The following LDB3 variants were observed in gnomAD, a reference collection of about 807,000 sequenced individuals.
LDB3 encodes the protein LIM domain-binding protein 3.
A neutral mutation model predicts 69.0 loss-of-function variants in LDB3; 49 were observed. The ratio of observed to expected loss-of-function variants is 0.71; its 90% CI spans 0.56 to 0.90. The LOEUF (loss-of-function observed/expected upper bound fraction) is 0.90, where lower values mean the gene tolerates loss of function less well. Among genes scored for constraint, LDB3 ranks in the 40% least tolerant of loss-of-function variants. The probability of loss-of-function intolerance (pLI) is 0.00; values close to 1 mark genes in which losing one functional copy is unlikely to be tolerated. For missense variants in LDB3, 928 were observed against 974.1 expected, an observed-to-expected ratio of 0.95 and a Z score of 0.63; for synonymous variants, 387 against 396.2, an observed-to-expected ratio of 0.98 and a Z score of 0.28.
At chr10:86,720,665 G>T (rs895957197) in intron 12 of LDB3, among the ~76,000 whole-genome samples, 2 of 152,154 alleles carry the variant, frequency 1.3e-5, no homozygotes, top group East Asian at 3.8e-4. Context: ...TATACAACTT[G>T]CTGTTATTCT....
chr10:86,732,882 T>A lies in LDB3; in HGVS notation c.2095-5T>A. 1 of 1,612,652 alleles carries A rather than the reference T, an allele frequency of 6.2e-7. No individual in the cohort carries two copies. Among genetic ancestry groups the A allele is most frequent in the Non-Finnish European group, 8.5e-7 (1 of 1,179,014 alleles). ...GGTCTCACGCAGGTCTGTTCTCTGC[T>A]CCAGGTCTGCCATGTGAATCTGGAG... On this transcript the variant is annotated splice_region_variant and splice_polypyrimidine_tract_variant and intron_variant, in intron 13 of 13. Coordinates refer to ENST00000361373, the MANE Select transcript of LDB3 (RefSeq NM_007078.3).
intron 2 of LDB3, among the ~76,000 whole-genome samples, chr10:86,675,399 T>C (rs1273692628): frequency 1.3e-5 from 2 of 152,276 alleles, no homozygotes; most frequent in Non-Finnish European, 2.9e-5. Context: ...CTGTTGCCCT[T>C]GCTCATGCTG....
rs1157910288 is a variant in LDB3, at chr10:86,726,196, G to A, written c.2038G>A (p.Asp680Asn). Residue 680 changes from aspartate (D) to asparagine (N), a missense_variant, in exon 13 of 14, where the codon GAC becomes AAC. Transcript: ENST00000361373. ...HGCDFPVEAG[D>N]KFIEALGHTW... is the part of the protein sequence containing the mutation. Reference sequence around the variant, plus strand: ...CTGCGATTTCCCCGTGGAGGCTGGCGACAAGTTTATCGAAGCCCTGGGCCA... The same window carrying A: ...CTGCGATTTCCCCGTGGAGGCTGGCAACAAGTTTATCGAAGCCCTGGGCCA... 9 of 1,613,944 alleles carry A rather than the reference G, an allele frequency of 5.6e-6. No homozygotes were observed. Among genetic ancestry groups the A allele is most frequent in the African/African-American group, 1.3e-5 (1 of 74,894 alleles).
chr10:86,694,457 C>T (rs1195644237), intron 7 of LDB3, among the ~76,000 whole-genome samples: 1 of 152,126 alleles, frequency 6.6e-6, no homozygotes, highest in African/African-American at 2.4e-5. Context: ...TGGGAAGTGG[C>T]TCCAGTTAGC....
At chr10:86,716,247 T>C (rs1846864148) in intron 9 of LDB3, 80 bp from the exon 10 acceptor site, 1 of 1,537,478 alleles carries the variant, frequency 6.5e-7, no homozygotes, top group Non-Finnish European at 9.0e-7. Flanking sequence ...CCTTTTGCAT[T>C]TCTCTGGCTA....
intron 2 of LDB3, among the ~76,000 whole-genome samples, chr10:86,678,173 G>A (rs1040628155): frequency 5.3e-5 from 8 of 151,432 alleles, no homozygotes; most frequent in Admixed American, 3.3e-4. Context: ...TCAGCCTCCC[G>A]AGTAGCTGAG....
chr10:86,692,879 A>G (rs951546009), intron 7 of LDB3, among the ~76,000 whole-genome samples: 19 of 152,288 alleles, frequency 1.2e-4, no homozygotes, highest in Middle Eastern at 3.4e-3. Context: ...GAATGAGGGC[A>G]ACTTTCCCTG....
In LDB3 at chr10:86,732,998, G is replaced by T; in HGVS notation, c.*22G>T. On this transcript the variant is annotated 3_prime_UTR_variant, in exon 14 of 14. Transcript: ENST00000361373. Reference sequence around the variant, plus strand: ...GTAGGCGGCCAAGGCCGCCTGTGCTGACGAGGCCCGGAGCTGCTCCTGCTG... The same window carrying T: ...GTAGGCGGCCAAGGCCGCCTGTGCTTACGAGGCCCGGAGCTGCTCCTGCTG... 1.3e-6 allele frequency: 2 copies of T among 1,570,862 alleles called. No homozygotes were observed. The highest frequency in any genetic ancestry group is 1.1e-5 in the South Asian group (1 of 89,352).
At chr10:86,671,149 A>C (rs1844450035) in intron 2 of LDB3, among the ~76,000 whole-genome samples, 1 of 152,132 alleles carries the variant, frequency 6.6e-6, no homozygotes, top group Non-Finnish European at 1.5e-5. Flanking sequence ...CGAGGCTGGG[A>C]TCGTTACCTC....
chr10:86,718,283 T>TGGCAAACCAA, intron 11 of LDB3, 139 bp downstream of exon 11: 1 of 814,618 alleles, frequency 1.2e-6, no homozygotes, highest in Non-Finnish European at 2.1e-6. Flanking sequence ...AGGGAATTGG[T>TGGCAAACCAA]TTGCCACCAA....
rs1846888303 is a variant in LDB3, at chr10:86,716,660, C to T, written c.1565C>T (p.Thr522Ile). ...QTLPRGGPAY[T>I]PAGPQVPPLA... is the part of the protein sequence containing the mutation. ...CTGCCCCGGGGAGGCCCAGCCTACA[C>T]CCCAGCGGGTCCTCAGGTGCCACCA... The change falls in exon 10 of 14, where the codon ACC becomes ATC. Residue 522 changes from threonine (T) to isoleucine (I), a missense_variant. Physicochemically the swap from Thr to Ile is moderately conservative, Grantham distance 89 (BLOSUM62 -1). Transcript: ENST00000361373. 6.2e-7 allele frequency: 1 copy of T among 1,614,034 alleles called. No homozygotes were observed. The highest frequency in any genetic ancestry group is 1.3e-5 in the African/African-American group (1 of 75,028).
chr10:86,707,041 C>T (rs1846472400), intron 8 of LDB3, among the ~76,000 whole-genome samples: 1 of 145,686 alleles, frequency 6.9e-6, no homozygotes, highest in Non-Finnish European at 1.5e-5. Flanking sequence ...CACATACACA[C>T]ACTCATACAC....
intron 7 of LDB3, among the ~76,000 whole-genome samples, chr10:86,701,070 C>T (rs969741961): frequency 2.0e-5 from 3 of 152,218 alleles, no homozygotes; most frequent in African/African-American, 7.2e-5. Context: ...CTCTCCTGCC[C>T]ATCCACCCTG....
upstream of LDB3, among the ~76,000 whole-genome samples, chr10:86,667,386 C>T (rs2675693): frequency 0.099 from 15,033 of 152,166 alleles, 999 homozygotes; most frequent in Middle Eastern, 0.14. Context: ...CAGGGTGGGC[C>T]TTGATCTATC....
chr10:86,723,948 A>C (rs1847169270), intron 12 of LDB3, among the ~76,000 whole-genome samples: 1 of 152,250 alleles, frequency 6.6e-6, no homozygotes, highest in South Asian at 2.1e-4. Context: ...ATTGGAGTCC[A>C]TCAGGACTGG....
chr10:86,675,722 G>A (rs1844760300), intron 2 of LDB3, among the ~76,000 whole-genome samples: 6 of 152,272 alleles, frequency 3.9e-5, no homozygotes, highest in Admixed American at 3.9e-4. Flanking sequence ...GATGGATGTG[G>A]AGGGATGGAG....
At chr10:86,726,095 C>T in intron 12 of LDB3, 42 bp from the exon 13 acceptor site, 2 of 1,465,432 alleles carry the variant, frequency 1.4e-6, no homozygotes, top group Non-Finnish European at 1.9e-6. Context: ...GTCCCCGCTG[C>T]CCCCACTGGG....
rs45521338 is a variant in LDB3 at position 86,691,999 on chromosome 10, C to T, written c.793C>T (p.Arg265Cys). 70 of 1,614,180 alleles carry T rather than the reference C, an allele frequency of 4.3e-5. No individual in the cohort carries two copies. Among genetic ancestry groups the T allele is most frequent in the Admixed American group, 3.7e-4 (22 of 60,034 alleles). ...KPEDEADEWARRSSNLQSRSF... is the reference protein window; with the variant it reads ...KPEDEADEWACRSSNLQSRSF... The stretch of plus-strand genomic sequence containing the variant: ...AGAAGATGAGGCTGACGAGTGGGCA[C>T]GCCGTTCCTCCAACCTGCAGTCTCG... Residue 265 changes from arginine to cysteine, a missense_variant, in exon 6 of 14, where the codon CGC (arginine) becomes TGC (cysteine). By Grantham distance (180) the Arg-to-Cys change is radical. Transcript: ENST00000361373.
intron 6 of LDB3, 110 bp downstream of exon 6, chr10:86,692,175 G>T: frequency 7.8e-7 from 1 of 1,288,916 alleles, no homozygotes; most frequent in Non-Finnish European, 1.1e-6. Context: ...TGCCCTTGAA[G>T]GTGGGCCAGG....
Sources: allele counts gnomAD v4.1 joint callset (sites outside exome capture counted in the v4.1 genomes callset), GRCh38; gene constraint gnomAD v4.1.1; transcripts MANE v1.5; gene names NCBI Gene and HGNC (gene_info 2026-07-23, HGNC 2026-07-21).